Variants in SHANK2 observed in about 807,000 individuals in gnomAD.
SHANK2 encodes SH3 and multiple ankyrin repeat domains 2, also known as SH3 and multiple ankyrin repeat domains protein 2.
Under a neutral mutation model 133.7 loss-of-function variants are expected in SHANK2, and 43 were observed. The ratio of observed to expected loss-of-function variants is 0.32; its 90% CI spans 0.25 to 0.41. The LOEUF (loss-of-function observed/expected upper bound fraction) is 0.41. SHANK2 is among the 10% of genes least tolerant of loss of function. SHANK2 has a pLI of 1.00. For synonymous variants in SHANK2, 1,017 were observed against 952.8 expected, an observed-to-expected ratio of 1.07 and a Z score of -1.24; for missense variants, 1,994 against 2,235.8, an observed-to-expected ratio of 0.89 and a Z score of 2.18.
chr11:70,492,942 C>T (rs1378741391), intron 21 of SHANK2, among the ~76,000 whole-genome samples: 7 of 151,696 alleles, frequency 4.6e-5, no homozygotes, highest in Admixed American at 2.0e-4. Context: ...ATTACAGGCA[C>T]CTGCCACTAC....
chr11:70,841,924 C>T (rs1163125637), intron 11 of SHANK2, among the ~76,000 whole-genome samples: 1 of 152,196 alleles, frequency 6.6e-6, no homozygotes, highest in Admixed American at 6.5e-5. Context: ...ACCCCAGAGC[C>T]CACAGCCTCC....
At chr11:71,110,168 G>A (rs1951871351) in intron 5 of SHANK2, 119 bp from the exon 6 acceptor site, 2 of 740,258 alleles carry the variant, frequency 2.7e-6, no homozygotes, top group East Asian at 5.7e-5. Context: ...GCTGCACACG[G>A]TGGCTCACGC....
rs782185472 is a variant in SHANK2, at chr11:70,807,191, C to CAG, written c.1494-22_1494-21dup. ...GGCGACCTGGACCAGGTGAGAGGGG[C>CAG]AGAGAGAGAGAGAGCAGAGTCACAA... is the stretch of plus-strand genomic sequence containing the variant. On this transcript the variant is annotated intron_variant, in intron 12 of 25. Transcript: ENST00000601538. The surrounding 1 kb of genome is among the most constrained non-coding windows in gnomAD (Gnocchi z 4.8). 1.0e-4 allele frequency: 70 copies of CAG among 699,250 alleles called. No homozygotes were observed. The highest frequency in any genetic ancestry group is 4.6e-4 in the African/African-American group (26 of 56,346). The allele number at this position is 699,250 out of a possible 1,614,324, so 43.3% of individuals were successfully genotyped here.
chr11:71,247,206 G>A (rs1954972299), intron 1 of SHANK2, among the ~76,000 whole-genome samples: 1 of 152,194 alleles, frequency 6.6e-6, no homozygotes, highest in South Asian at 2.1e-4. Context: ...GTGGCTGTGA[G>A]TCACGATGGG....
chr11:70,881,565 ATAATAATAT>A (rs199935721), intron 11 of SHANK2, among the ~76,000 whole-genome samples: 99 of 117,522 alleles, frequency 8.4e-4, no homozygotes, highest in African/African-American at 3.0e-3. Context: ...AATAATATTA[ATAATAATAT>A]TAATAATAAT....
chr11:70,950,833 T>G (rs1210851268), intron 10 of SHANK2, among the ~76,000 whole-genome samples: 2 of 152,022 alleles, frequency 1.3e-5, no homozygotes, highest in African/African-American at 4.8e-5. Flanking sequence ...TTTTGTTATG[T>G]TTTGTTTTGG....
chr11:71,083,236 A>G (rs1951325474), intron 8 of SHANK2, among the ~76,000 whole-genome samples: 1 of 152,104 alleles, frequency 6.6e-6, no homozygotes, highest in South Asian at 2.1e-4. Context: ...CCCTGTGCCC[A>G]GCCTAATGTA....
intron 3 of SHANK2, among the ~76,000 whole-genome samples, chr11:71,146,672 A>G (rs1555106743): frequency 6.6e-6 from 1 of 152,182 alleles, no homozygotes; most frequent in Non-Finnish European, 1.5e-5. Context: ...GTGGGGGAGC[A>G]TGGGATGCTG....
intron 17 of SHANK2, among the ~76,000 whole-genome samples, chr11:70,638,921 C>T (rs782515002): frequency 1.3e-4 from 20 of 151,926 alleles, no homozygotes; most frequent in Non-Finnish European, 2.5e-4. Flanking sequence ...CATTTGAACA[C>T]GGGAGGTGGA....
chr11:71,154,255 G>A (rs1555108643), intron 2 of SHANK2, among the ~76,000 whole-genome samples: 1 of 152,224 alleles, frequency 6.6e-6, no homozygotes, highest in African/African-American at 2.4e-5. Flanking sequence ...AGGACTGACA[G>A]CACTCCATTG....
intron 2 of SHANK2, among the ~76,000 whole-genome samples, chr11:71,216,209 C>T (rs1591028994): frequency 6.6e-6 from 1 of 152,262 alleles, no homozygotes; most frequent in African/African-American, 2.4e-5. Flanking sequence ...GTGGGAACAA[C>T]CCAAATGTCC....
intron 2 of SHANK2, among the ~76,000 whole-genome samples, chr11:71,162,410 T>A (rs1555110043): frequency 1.4e-5 from 2 of 139,912 alleles, no homozygotes; most frequent in East Asian, 2.2e-4. Context: ...CCCAATTACC[T>A]CCCAAAGGCC....
intron 12 of SHANK2, among the ~76,000 whole-genome samples, chr11:70,814,034 G>A (rs12294401): frequency 0.043 from 6,489 of 152,276 alleles, 486 homozygotes; most frequent in African/African-American, 0.15. Flanking sequence ...GGGCACAGGT[G>A]AAAGTCAGGC....
chr11:71,092,276 A>T, intron 8 of SHANK2, 146 bp downstream of exon 8: 1 of 750,706 alleles, frequency 1.3e-6, no homozygotes, highest in Non-Finnish European at 2.2e-6. Flanking sequence ...TTTTTAATTC[A>T]CATATTTTCA....
At chr11:71,099,512 C>T (rs545494263) in intron 6 of SHANK2, among the ~76,000 whole-genome samples, 6 of 152,162 alleles carry the variant, frequency 3.9e-5, no homozygotes, top group Admixed American at 1.3e-4. Context: ...GGCTATTGTG[C>T]GGGTTAACAG....
chr11:71,207,936 C>T (rs1954161790), intron 2 of SHANK2, among the ~76,000 whole-genome samples: 1 of 151,984 alleles, frequency 6.6e-6, no homozygotes, highest in South Asian at 2.1e-4. Context: ...CCCAGGCAGG[C>T]TTACCTAAAT....
At chr11:71,181,883 G>A (rs1555113837) in intron 2 of SHANK2, among the ~76,000 whole-genome samples, 2 of 150,110 alleles carry the variant, frequency 1.3e-5, no homozygotes, top group African/African-American at 4.9e-5. Context: ...CAAGTGGGAA[G>A]AAGAATTTGT....
At chr11:70,766,207 C>T (rs1173010535) in intron 14 of SHANK2, among the ~76,000 whole-genome samples, 4 of 152,214 alleles carry the variant, frequency 2.6e-5, no homozygotes, top group Non-Finnish European at 2.9e-5. Flanking sequence ...CCTTGAACTG[C>T]GAGGCAGCCT....
intron 15 of SHANK2, among the ~76,000 whole-genome samples, chr11:70,671,423 G>A (rs1944806587): frequency 6.6e-6 from 1 of 152,160 alleles, no homozygotes; most frequent in South Asian, 2.1e-4. Context: ...GACTACAGAT[G>A]TCAACCACAG....
Sources: allele counts gnomAD v4.1 joint callset (sites outside exome capture counted in the v4.1 genomes callset), GRCh38; gene constraint gnomAD v4.1.1; non-coding constraint Gnocchi (gnomAD v3.1); transcripts MANE v1.5; gene names NCBI Gene and HGNC (gene_info 2026-07-23, HGNC 2026-07-21).